The following CPLX2 variants were observed in gnomAD, a reference collection of about 807,000 sequenced individuals.
CPLX2 encodes complexin-2.
Under a neutral mutation model 16.3 loss-of-function variants are expected in CPLX2, and 5 were observed. The ratio of observed to expected loss-of-function variants is 0.31; its 90% CI spans 0.16 to 0.64. CPLX2 has a LOEUF of 0.64. Among genes scored for constraint, CPLX2 ranks in the 30% least tolerant of loss-of-function variants. The pLI is 0.79. For synonymous variants in CPLX2, 89 were observed against 73.2 expected (o/e 1.22, Z -1.10); for missense variants, 144 against 181.4 (o/e 0.79, Z 1.18).
At position 175,851,580 on chromosome 5, in the gene CPLX2, G is replaced by A. The variant is rs191743459; in HGVS notation, c.-88-27072G>A. 2.8e-3 allele frequency among the ~76,000 whole-genome samples: 431 copies of A among 152,302 alleles called. 2 individuals are homozygous for A. The highest frequency in any genetic ancestry group is 5.6e-3 in the Admixed American group (86 of 15,306). On this transcript the variant is annotated intron_variant, in intron 2 of 4. Transcript: ENST00000359546. ...CTTCCACTGTGGGGTCCTCTGCAAG[G>A]CCCACAGAGGAATGGCTGCGGAAGC... is the stretch of plus-strand genomic sequence containing the variant.
At chr5:175,857,556 T>C (rs1194129336) in intron 2 of CPLX2, among the ~76,000 whole-genome samples, 1 of 152,218 alleles carries the variant, frequency 6.6e-6, no homozygotes, top group Non-Finnish European at 1.5e-5. Context: ...AGCCCAGTTG[T>C]GCAAAGTCAA....
At chr5:175,818,650 C>CTTTTTTTTT (rs70988300) in intron 2 of CPLX2, among the ~76,000 whole-genome samples, 3 of 50,864 alleles carry the variant, frequency 5.9e-5, no homozygotes, top group African/African-American at 1.5e-4. Flanking sequence ...CTGTCCCAAC[C>CTTTTTTTTT]TTTTTTTTTT....
intron 2 of CPLX2, among the ~76,000 whole-genome samples, chr5:175,815,377 G>A (rs757813729): frequency 1.8e-4 from 27 of 152,262 alleles, no homozygotes; most frequent in Non-Finnish European, 3.8e-4. Flanking sequence ...AGGCTTGGCG[G>A]AGAGCACATG....
chr5:175,799,308 C>T (rs1230151431), intron 1 of CPLX2, among the ~76,000 whole-genome samples: 1 of 151,906 alleles, frequency 6.6e-6, no homozygotes, highest in African/African-American at 2.4e-5. Flanking sequence ...CCACATTTTA[C>T]AAATGAGGAA....
chr5:175,880,069 T>C lies in CPLX2; in HGVS notation c.*24T>C, dbSNP rs1235786420. On this transcript the variant is annotated 3_prime_UTR_variant, in exon 4 of 4. Transcript: ENST00000393745. ...AACCAGGCCTCCTGCCCCAGCCTAC[T>C]CCACCTGTTACTACTTCTTTTTGGT... 1 of 1,600,002 alleles carries C rather than the reference T, an allele frequency of 6.2e-7. No homozygotes were observed. Among genetic ancestry groups the C allele is most frequent in the Non-Finnish European group, 8.5e-7 (1 of 1,172,466 alleles).
intron 2 of CPLX2, among the ~76,000 whole-genome samples, chr5:175,862,160 A>G (rs1217440870): frequency 1.3e-5 from 2 of 152,224 alleles, no homozygotes; most frequent in East Asian, 1.9e-4. Context: ...ATCCCCAGCA[A>G]CAAGATGAGT....
intron 2 of CPLX2, among the ~76,000 whole-genome samples, chr5:175,817,603 T>C (rs956758850): frequency 6.6e-6 from 1 of 152,186 alleles, no homozygotes; most frequent in Non-Finnish European, 1.5e-5. Context: ...TGCTCCATTT[T>C]TTAATTACTC....
At chr5:175,842,165 C>A (rs2113669589) in intron 2 of CPLX2, among the ~76,000 whole-genome samples, 1 of 152,312 alleles carries the variant, frequency 6.6e-6, no homozygotes, top group East Asian at 1.9e-4. Flanking sequence ...AAAGCAGTGG[C>A]ACAGCAGGCT....
intron 2 of CPLX2, among the ~76,000 whole-genome samples, chr5:175,853,246 G>C (rs930359065): frequency 1.3e-5 from 2 of 152,206 alleles, no homozygotes; most frequent in Non-Finnish European, 2.9e-5. Flanking sequence ...TTGGAGACGT[G>C]GCAAATACCA....
chr5:175,799,540 A>ATATATATATTTATT (rs71702847), intron 1 of CPLX2, among the ~76,000 whole-genome samples: 4 of 28,234 alleles, frequency 1.4e-4, no homozygotes, highest in South Asian at 3.1e-3. Context: ...TGCAAATTTC[A>ATATATATATTTATT]TATATATATA....
intron 2 of CPLX2, among the ~76,000 whole-genome samples, chr5:175,820,635 C>T (rs1306918856): frequency 2.6e-5 from 4 of 152,130 alleles, no homozygotes; most frequent in African/African-American, 7.2e-5. Flanking sequence ...GCTTCATCAA[C>T]GCCACCTCCA....
chr5:175,830,333 T>C lies in CPLX2; in HGVS notation c.-89+21265T>C, dbSNP rs376980109. Among the ~76,000 whole-genome samples the C allele has an allele frequency of 2.0e-5, 3 of 152,110 alleles. No homozygotes were observed. The highest frequency in any genetic ancestry group is 7.2e-5 in the African/African-American group (3 of 41,406). ...GATTAGCCCCATTTTTCAGCTGAAA[T>C]CATTGATGCTCAGACATGAAGCAAC... On this transcript the variant is annotated intron_variant, in intron 2 of 4. Coordinates refer to the CPLX2 transcript ENST00000359546. This position sits in a 1 kb window ranked among gnomAD's most constrained non-coding sequence, Gnocchi z 4.0.
At chr5:175,842,707 A>G (rs930631019) in intron 2 of CPLX2, among the ~76,000 whole-genome samples, 2 of 152,192 alleles carry the variant, frequency 1.3e-5, no homozygotes, top group African/African-American at 4.8e-5. Context: ...CACTTGCAGG[A>G]CAGCTGCTCG....
chr5:175,876,112 T>C (rs1366113), intron 1 of CPLX2, among the ~76,000 whole-genome samples: 10,385 of 152,192 alleles, frequency 0.068, 1,178 homozygotes, highest in African/African-American at 0.24. Context: ...TTATTGCTTA[T>C]TTTCCTACGC....
intron 2 of CPLX2, among the ~76,000 whole-genome samples, chr5:175,815,471 A>C (rs1425210926): frequency 3.3e-5 from 5 of 152,100 alleles, no homozygotes; most frequent in Non-Finnish European, 7.4e-5. Context: ...TTACCACTCC[A>C]GCAGTTACCA....
intron 2 of CPLX2, among the ~76,000 whole-genome samples, chr5:175,851,855 C>T (rs1457069699): frequency 1.3e-5 from 2 of 152,170 alleles, no homozygotes; most frequent in South Asian, 2.1e-4. Flanking sequence ...TGTGAGGATC[C>T]GTGGGCCGCT....
intron 2 of CPLX2, among the ~76,000 whole-genome samples, chr5:175,846,134 C>T (rs1020382617): frequency 1.3e-5 from 2 of 152,274 alleles, no homozygotes; most frequent in South Asian, 4.1e-4. Flanking sequence ...CACACACCCG[C>T]ACCCCCCTGC....
chr5:175,872,177 G>A lies in CPLX2; in HGVS notation c.-89+472G>A, dbSNP rs1270911252. On this transcript the variant is annotated intron_variant, in intron 1 of 3. Transcript: ENST00000393745. This position sits in a 1 kb window ranked among gnomAD's most constrained non-coding sequence, Gnocchi z 5.0. ...GCCCCGGAGGAGGGAGTCGCCCCCA[G>A]GGGTACAGTGCGCACTCCCGGAGTG... is the stretch of plus-strand genomic sequence containing the variant. 2.0e-5 allele frequency: 3 copies of A among 152,276 alleles called. No homozygotes were observed. Among genetic ancestry groups the A allele is most frequent in the Non-Finnish European group, 4.4e-5 (3 of 68,102 alleles). The allele number at this position is 152,276 out of a possible 1,614,324, so 9.4% of individuals were successfully genotyped here.
At chr5:175,878,626 A>G (rs1755471362) in intron 1 of CPLX2, 26 bp from the exon 2 acceptor site, 10 of 1,264,842 alleles carry the variant, frequency 7.9e-6, no homozygotes, top group Non-Finnish European at 1.1e-5. Context: ...GGCCTCTCCC[A>G]TCTGACTCCC....
Sources: gnomAD v4.1 joint callset for allele counts (sites outside exome capture counted in the v4.1 genomes callset) on GRCh38, gnomAD v4.1.1 for gene constraint, Gnocchi (gnomAD v3.1) non-coding constraint, MANE v1.5 for transcripts, NCBI Gene and HGNC (gene_info 2026-07-23, HGNC 2026-07-21) for gene names.